AP3B1: variants seen among roughly 807,000 people sequenced by gnomAD.
The protein encoded by AP3B1 is AP-3 complex subunit beta-1.
AP3B1 carries 61 observed loss-of-function variants against 132.5 expected under a neutral mutation model. The observed-to-expected ratio is 0.46, with a 90% CI of 0.37 to 0.57. The LOEUF is 0.57. Ranked by LOEUF, AP3B1 falls within the 20% of genes least tolerant of loss-of-function variation. AP3B1 has a pLI of 0.00. For synonymous variants in AP3B1, 388 were observed against 438.3 expected (o/e 0.89, Z 1.43); for missense variants, 1,120 against 1,289.4 (o/e 0.87, Z 2.01).
chr5:78,263,931 A>G (rs1040398931), intron 2 of AP3B1, among the ~76,000 whole-genome samples: 1 of 152,184 alleles, frequency 6.6e-6, no homozygotes, highest in African/African-American at 2.4e-5. Context: ...ATACGTTTAG[A>G]TACACAAATA....
At chr5:78,186,586 A>G (rs1211545482) in intron 7 of AP3B1, among the ~76,000 whole-genome samples, 1 of 152,210 alleles carries the variant, frequency 6.6e-6, no homozygotes, top group Non-Finnish European at 1.5e-5. Context: ...ACCATTGGGG[A>G]AAATTGAGTA....
intron 2 of AP3B1, among the ~76,000 whole-genome samples, chr5:78,242,452 C>T (rs903045508): frequency 6.6e-6 from 1 of 152,142 alleles, no homozygotes; most frequent in African/African-American, 2.4e-5. Flanking sequence ...TGTCGCCCAG[C>T]CTGGAACGCA....
At chr5:78,038,057 C>T (rs1747876486) in intron 23 of AP3B1, among the ~76,000 whole-genome samples, 1 of 152,090 alleles carries the variant, frequency 6.6e-6, no homozygotes, top group African/African-American at 2.4e-5. Flanking sequence ...CAACAGGATG[C>T]GGTGGGCACA....
At chr5:78,155,757 G>A (rs577541346) in intron 14 of AP3B1, among the ~76,000 whole-genome samples, 1 of 151,746 alleles carries the variant, frequency 6.6e-6, no homozygotes, top group Non-Finnish European at 1.5e-5. Flanking sequence ...TTTTTAAGGG[G>A]TGATGAAAAT....
intron 2 of AP3B1, among the ~76,000 whole-genome samples, chr5:78,243,847 T>C (rs973014059): frequency 2.0e-5 from 3 of 152,058 alleles, no homozygotes; most frequent in Non-Finnish European, 4.4e-5. Flanking sequence ...CACTGTAAAA[T>C]GAGTTGGCTT....
At chr5:78,089,352 A>G in intron 22 of AP3B1, 41 bp downstream of exon 22, 1 of 1,373,784 alleles carries the variant, frequency 7.3e-7, no homozygotes, top group East Asian at 2.3e-5. Context: ...TACAATGGCA[A>G]CATAAGAAAA....
intron 25 of AP3B1, 160 bp from the exon 26 acceptor site, chr5:78,015,708 AATTGTTTCGAAGTTTTTTAAAATCCTC>A: frequency 5.8e-6 from 4 of 692,692 alleles, no homozygotes; most frequent in Non-Finnish European, 9.4e-6. Flanking sequence ...AACAAAATGC[AATTGTTTCGAAGTTTTTTAAAATCCTC>A]ATTGTATAGG....
At chr5:78,079,780 C>T (rs1749910835) in intron 22 of AP3B1, among the ~76,000 whole-genome samples, 1 of 152,150 alleles carries the variant, frequency 6.6e-6, no homozygotes, top group Admixed American at 6.5e-5. Flanking sequence ...CCCCATCGAG[C>T]ATCATGAGTA....
At chr5:78,030,772 G>A (rs894565888) in intron 24 of AP3B1, among the ~76,000 whole-genome samples, 1 of 152,084 alleles carries the variant, frequency 6.6e-6, no homozygotes, top group Non-Finnish European at 1.5e-5. Context: ...GAACTCCTGG[G>A]TTCCAGTGAT....
intron 7 of AP3B1, among the ~76,000 whole-genome samples, chr5:78,203,540 C>G (rs1745384122): frequency 1.3e-5 from 2 of 152,172 alleles, no homozygotes; most frequent in African/African-American, 4.8e-5. Context: ...GGACACAGAC[C>G]CAAACCATAT....
At chr5:78,229,403 T>C (rs2112497927) in intron 3 of AP3B1, among the ~76,000 whole-genome samples, 1 of 152,246 alleles carries the variant, frequency 6.6e-6, no homozygotes. Flanking sequence ...CATTCCTGAT[T>C]ACCCTTCTAA....
intron 14 of AP3B1, among the ~76,000 whole-genome samples, chr5:78,150,893 T>C (rs1287117282): frequency 1.3e-5 from 2 of 152,080 alleles, no homozygotes; most frequent in Admixed American, 1.3e-4. Flanking sequence ...TCTCTCCAGG[T>C]AAACATATAA....
chr5:78,189,077 C>T (rs531560863), intron 7 of AP3B1, among the ~76,000 whole-genome samples: 1 of 151,786 alleles, frequency 6.6e-6, no homozygotes, highest in East Asian at 1.9e-4. Context: ...CCTGTCAGGG[C>T]AGGGTTAGTG....
intron 15 of AP3B1, among the ~76,000 whole-genome samples, chr5:78,129,592 T>C (rs1752607341): frequency 6.6e-6 from 1 of 152,032 alleles, no homozygotes; most frequent in Admixed American, 6.6e-5. Flanking sequence ...TAATCATATA[T>C]GGCAAACCCG....
chr5:78,222,589 T>A (rs1746226556), intron 6 of AP3B1: 1 of 152,184 alleles, frequency 6.6e-6, no homozygotes, highest in African/African-American at 2.4e-5. Flanking sequence ...TGTTACTACT[T>A]GGTGTACTGA....
chr5:78,014,357 T>C (rs1187115201), intron 26 of AP3B1, among the ~76,000 whole-genome samples: 1 of 152,230 alleles, frequency 6.6e-6, no homozygotes, highest in African/African-American at 2.4e-5. Context: ...TGTTCTTTCA[T>C]AGCTATCACA....
intron 22 of AP3B1, among the ~76,000 whole-genome samples, chr5:78,056,314 C>A (rs1330830604): frequency 6.6e-6 from 1 of 152,150 alleles, no homozygotes; most frequent in Non-Finnish European, 1.5e-5. Context: ...TGGGGCTAAT[C>A]ATACATATCC....
chr5:78,116,335 CT>C, intron 17 of AP3B1, 101 bp from the exon 18 acceptor site: 1 of 999,166 alleles, frequency 1.0e-6, no homozygotes, highest in Non-Finnish European at 1.5e-6. Context: ...CAAAAGCAAG[CT>C]TAAGGCCTCC....
intron 19 of AP3B1, 144 bp downstream of exon 19, chr5:78,113,607 CA>C (rs1349434862): frequency 1.2e-6 from 1 of 830,770 alleles, no homozygotes; most frequent in Non-Finnish European, 1.9e-6. Flanking sequence ...GAACAACTAG[CA>C]CTTTAATTTT....
Sources: allele counts gnomAD v4.1 joint callset (sites outside exome capture counted in the v4.1 genomes callset), GRCh38; gene constraint gnomAD v4.1.1; transcripts MANE v1.5; gene names NCBI Gene and HGNC (gene_info 2026-07-23, HGNC 2026-07-21).